MID1: variants seen among roughly 807,000 people sequenced by gnomAD.
MID1 encodes the protein midline 1, also known as E3 ubiquitin-protein ligase Midline-1.
A neutral mutation model predicts 40.4 loss-of-function variants in MID1; 7 were observed. That is an observed-to-expected ratio of 0.17 (90% CI 0.10 to 0.33). The LOEUF (loss-of-function observed/expected upper bound fraction) is 0.33. Among genes scored for constraint, MID1 ranks in the 10% least tolerant of loss-of-function variants. The pLI is 1.00. For synonymous variants in MID1, 229 were observed against 221.2 expected (o/e 1.04, Z -0.31); for missense variants, 367 against 558.5 (o/e 0.66, Z 3.46).
chrX:10,629,937 A>C (rs1245311744), intron 1 of MID1, among the ~76,000 whole-genome samples: 1 of 112,395 alleles, frequency 8.9e-6, no homozygotes, highest in Non-Finnish European at 1.9e-5. Context: ...CAAGTGCTTC[A>C]TATAAGAAAA....
intron 9 of MID1, among the ~76,000 whole-genome samples, chrX:10,451,926 T>C (rs369642561): frequency 2.7e-5 from 3 of 111,839 alleles, no homozygotes; most frequent in South Asian, 3.7e-4. Context: ...ACATACATTT[T>C]GGAAAGGTTT....
At chrX:10,774,278 C>G (rs1251071254) in intron 1 of MID1, among the ~76,000 whole-genome samples, 2 of 110,837 alleles carry the variant, frequency 1.8e-5, no homozygotes, top group Non-Finnish European at 1.9e-5. Context: ...ATAAAGAAAA[C>G]AGAGAGACCT....
At chrX:10,560,720 G>T (rs999875413) in intron 2 of MID1, among the ~76,000 whole-genome samples, 19 of 111,312 alleles carry the variant, frequency 1.7e-4, no homozygotes, top group African/African-American at 5.9e-4. Context: ...GGAAATAAGA[G>T]AGGACACAAA....
intron 1 of MID1, among the ~76,000 whole-genome samples, chrX:10,751,067 C>G (rs746092444): frequency 9.1e-6 from 1 of 110,315 alleles, no homozygotes; most frequent in East Asian, 2.8e-4. Context: ...GAGTTCGAAA[C>G]CAGCTTGGCC....
At chrX:10,568,167 G>T (rs1358473309) in intron 1 of MID1, among the ~76,000 whole-genome samples, 2 of 112,102 alleles carry the variant, frequency 1.8e-5, no homozygotes, top group Non-Finnish European at 3.8e-5. Flanking sequence ...CAGCAGAGAT[G>T]ATCGTGTTTA....
rs57101806 is a variant in MID1 at position 10,516,560 on chromosome X, TTGTGTGTGTG to T, written c.756+6522_756+6531del. The stretch of plus-strand genomic sequence containing the variant: ...CTGTCTTGGCCTTCATACTCTGCTC[TTGTGTGTGTG>T]TGTGTGTGTGTGTGTGTGTGTGTGT... On this transcript the variant is annotated intron_variant, in intron 3 of 9. Transcript: ENST00000317552. Among the ~76,000 whole-genome samples the T allele has an allele frequency of 4.4e-3, 324 of 73,343 alleles. 2 individuals carry two copies. Among genetic ancestry groups the T allele is most frequent in the Non-Finnish European group, 5.8e-3 (232 of 40,017 alleles). 63.7% of individuals were successfully genotyped at this position (73,343 alleles called of 115,157 possible). A position where few individuals can be genotyped will look rare whatever the true frequency, so the allele number is the denominator to read the frequency against.
intron 1 of MID1, among the ~76,000 whole-genome samples, chrX:10,761,195 G>T (rs1417394714): frequency 4.5e-5 from 5 of 111,212 alleles, no homozygotes; most frequent in Admixed American, 9.6e-5. Flanking sequence ...TAAGTAAATT[G>T]TTAAGAGAGT....
At chrX:10,564,746 T>G (rs1220693832) in intron 2 of MID1, among the ~76,000 whole-genome samples, 1 of 111,400 alleles carries the variant, frequency 9.0e-6, no homozygotes, top group Non-Finnish European at 1.9e-5. Flanking sequence ...TGACAGGCCA[T>G]GAGTACTTGA....
rs200251008 is a variant in MID1 at position 10,754,309 on chromosome X, G to GTTTTTT, written c.-187+79239_-187+79244dup. On this transcript the variant is annotated intron_variant, in intron 1 of 10. Coordinates refer to the MID1 transcript ENST00000380785. The stretch of plus-strand genomic sequence containing the variant: ...AGAATAGACAAGAGAGTTTTTTTTT[G>GTTTTTT]TTTTTTGTTTTTTGTTTTTTTTGTC... Among the ~76,000 whole-genome samples the GTTTTTT allele has an allele frequency of 1.2e-3, 127 of 104,545 alleles. 4 individuals are homozygous for GTTTTTT. The highest frequency in any genetic ancestry group is 4.7e-3 in the African/African-American group (119 of 25,076). 90.8% of individuals were successfully genotyped at this position (104,545 alleles called of 115,157 possible). A position where few individuals can be genotyped will look rare whatever the true frequency, so the allele number is the denominator to read the frequency against.
At chrX:10,786,295 A>G (rs1461487122) in intron 1 of MID1, among the ~76,000 whole-genome samples, 9 of 110,402 alleles carry the variant, frequency 8.2e-5, no homozygotes, top group Non-Finnish European at 1.5e-4. Context: ...TTAGAATGGC[A>G]ATCATTAAAA....
intron 1 of MID1, among the ~76,000 whole-genome samples, chrX:10,647,548 A>C (rs765797857): frequency 8.9e-6 from 1 of 111,788 alleles, no homozygotes; most frequent in South Asian, 3.7e-4. Flanking sequence ...AAAATAAAAA[A>C]CCCTGAAAAA....
chrX:10,726,689 C>G (rs1407412067), intron 1 of MID1, among the ~76,000 whole-genome samples: 1 of 112,529 alleles, frequency 8.9e-6, no homozygotes, highest in Non-Finnish European at 1.9e-5. Flanking sequence ...CCTTTGCCCT[C>G]ATTTCCCATC....
At chrX:10,736,230 C>T (rs909324433) in intron 1 of MID1, among the ~76,000 whole-genome samples, 3 of 111,575 alleles carry the variant, frequency 2.7e-5, no homozygotes, top group Non-Finnish European at 5.6e-5. Flanking sequence ...CCGCCCGCCT[C>T]GGCCTCCCAA....
Position 10,667,067 on chromosome X carries a change from T to C in MID1, c.-186-46648A>G, listed in dbSNP as rs953854887. Among the ~76,000 whole-genome samples, 3 of 111,310 alleles carry C rather than the reference T, an allele frequency of 2.7e-5. No individual in the cohort carries two copies. The Admixed American group carries it at 2.9e-4, about 11-fold the overall frequency. Reference sequence around the variant, plus strand: ...TGGGGGTGGGACAGGGAAGTGGGTATACTCTAACATTCTAGAAGAACAGAT... The same window carrying C: ...TGGGGGTGGGACAGGGAAGTGGGTACACTCTAACATTCTAGAAGAACAGAT... On this transcript the variant is annotated intron_variant, in intron 1 of 10. Coordinates refer to the MID1 transcript ENST00000380785.
intron 1 of MID1, among the ~76,000 whole-genome samples, chrX:10,817,570 T>TTCTTTCTC (rs1555927218): frequency 5.2e-4 from 46 of 88,320 alleles, no homozygotes; most frequent in African/African-American, 2.0e-3. Context: ...CTTTCTTTCT[T>TTCTTTCTC]TCTCTCTTTC....
At chrX:10,541,670 A>G (rs73202013) in intron 2 of MID1, among the ~76,000 whole-genome samples, 22 of 111,605 alleles carry the variant, frequency 2.0e-4, no homozygotes, top group African/African-American at 5.9e-4. Flanking sequence ...TTCCTAACAC[A>G]TAAGGCTGGA....
intron 1 of MID1, among the ~76,000 whole-genome samples, chrX:10,581,638 T>C (rs926350713): frequency 1.8e-5 from 2 of 112,411 alleles, no homozygotes; most frequent in Non-Finnish European, 3.8e-5. Context: ...AACCTCTTCA[T>C]ACCATTTTTG....
chrX:10,691,914 G>A (rs775091217), intron 1 of MID1, among the ~76,000 whole-genome samples: 182 of 111,488 alleles, frequency 1.6e-3, no homozygotes, highest in Non-Finnish European at 2.7e-3. Context: ...ATGAATGGCC[G>A]CTCTGGGAGT....
intron 5 of MID1, among the ~76,000 whole-genome samples, chrX:10,477,810 G>A (rs1930096200): frequency 8.9e-6 from 1 of 112,403 alleles, no homozygotes; most frequent in Non-Finnish European, 1.9e-5. Context: ...ACAGTAACAA[G>A]ATAGGTTTAC....
Sources: allele counts gnomAD v4.1 joint callset (sites outside exome capture counted in the v4.1 genomes callset), GRCh38; gene constraint gnomAD v4.1.1; transcripts MANE v1.5; gene names NCBI Gene and HGNC (gene_info 2026-07-23, HGNC 2026-07-21).